The following ANKIB1 variants were observed in gnomAD, a reference collection of about 807,000 sequenced individuals.
The protein encoded by ANKIB1 is ankyrin repeat and IBR domain containing 1.
In ANKIB1, 43 loss-of-function variants were observed where a neutral mutation model predicts 122.1. The ratio of observed to expected loss-of-function variants is 0.35; its 90% confidence interval spans 0.28 to 0.45. The LOEUF (loss-of-function observed/expected upper bound fraction) is 0.45, where lower values mean the gene tolerates loss of function less well. Among genes scored for constraint, ANKIB1 ranks in the 20% least tolerant of loss-of-function variants. The pLI, the probability that ANKIB1 is intolerant of heterozygous loss-of-function variation, is 1.00. For missense variants in ANKIB1, 992 were observed against 1,329.5 expected, an observed-to-expected ratio of 0.75 and a Z score of 3.95; for synonymous variants, 390 against 442.0, an observed-to-expected ratio of 0.88 and a Z score of 1.48.
At chr7:92,359,958 T>G (rs189832907) in intron 9 of ANKIB1, among the ~76,000 whole-genome samples, 1 of 152,264 alleles carries the variant, frequency 6.6e-6, no homozygotes, top group East Asian at 1.9e-4. Flanking sequence ...AAGCTACCAC[T>G]AAGTTGCTAG....
Position 92,309,942 on chromosome 7 carries a change from A to AAAAAAAAAAATATATATATAT in ANKIB1, c.486+2287_486+2288insAAAAAAAAATATATATATATA, listed in dbSNP as rs1335765681. On this transcript the variant is annotated intron_variant, in intron 3 of 19. Transcript: ENST00000265742. The stretch of plus-strand genomic sequence containing the variant: ...TCCATCTAAAAAAAAAAAAAAAAAA[A>AAAAAAAAAAATATATATATAT]ATATATATATATATATATATAAATT... 6.5e-5 allele frequency among the ~76,000 whole-genome samples: 6 copies of AAAAAAAAAAATATATATATAT among 91,780 alleles called. No individual in the cohort carries two copies. The East Asian group carries it at 1.4e-3, about 21-fold the overall frequency. The allele number at this position is 91,780 out of a possible 152,430, so 60.2% of individuals were successfully genotyped here.
intron 10 of ANKIB1, 88 bp from the exon 11 acceptor site, chr7:92,371,389 T>C: frequency 1.7e-6 from 2 of 1,155,622 alleles, no homozygotes; most frequent in Non-Finnish European, 2.4e-6. Context: ...AGAGACAGCC[T>C]GCAAAGAAAA....
Position 92,327,894 on chromosome 7 carries a change from G to T in ANKIB1, c.781G>T (p.Ala261Ser). The T allele has an allele frequency of 6.4e-7, 1 of 1,574,366 alleles. No individual in the cohort carries two copies. Among genetic ancestry groups the T allele is most frequent in the Non-Finnish European group, 8.6e-7 (1 of 1,164,706 alleles). The change falls in exon 5 of 20, where the codon GCT (alanine) becomes TCT (serine). Residue 261 changes from alanine (A) to serine (S), a missense_variant. Coordinates refer to ENST00000265742, the MANE Select transcript of ANKIB1 (RefSeq NM_019004.2). ...PLFTAEALLR[A>S]HDWDREKLLE... ...CTTTACTGCTGAAGCTTTACTTCGA[G>T]CTCATGGTAATGAAAGAAATGTCTT... is the stretch of plus-strand genomic sequence containing the variant.
intron 7 of ANKIB1, among the ~76,000 whole-genome samples, chr7:92,346,181 G>A (rs1042137753): frequency 6.6e-6 from 1 of 151,748 alleles, no homozygotes; most frequent in African/African-American, 2.4e-5. Context: ...AGGCTGAAGT[G>A]CAGTGGTGTG....
chr7:92,386,471 A>T (rs754321935), intron 11 of ANKIB1, 38 bp from the exon 12 acceptor site: 8 of 1,544,152 alleles, frequency 5.2e-6, no homozygotes, highest in Non-Finnish European at 7.0e-6. Context: ...TTGCATATTA[A>T]TATGGGGAGA....
chr7:92,310,002 ATAAG>A (rs1802658895), intron 3 of ANKIB1, among the ~76,000 whole-genome samples: 1 of 147,790 alleles, frequency 6.8e-6, no homozygotes, highest in Non-Finnish European at 1.5e-5. Flanking sequence ...ACTTTTCTCT[ATAAG>A]CATTGCTTTA....
chr7:92,399,780 A>C lies in ANKIB1; in HGVS notation c.*831A>C, dbSNP rs978819055. On this transcript the variant is annotated 3_prime_UTR_variant, in exon 20 of 20. Transcript: ENST00000265742. ...GCTGCTGTTAAAAACAGTTTATTTT[A>C]ATATTAAAATACAGTTGATTAGCAA... is the stretch of plus-strand genomic sequence containing the variant. 6 of 152,352 alleles carry C rather than the reference A, an allele frequency of 3.9e-5. No homozygotes were observed. In the East Asian group the frequency reaches 7.7e-4, roughly 20 times the overall value. The allele number at this position is 152,352 out of a possible 1,614,324, so 9.4% of individuals were successfully genotyped here. A position where few individuals can be genotyped will look rare whatever the true frequency, so the allele number is the denominator to read the frequency against.
At chr7:92,249,683 G>C (rs1319801769) in intron 1 of ANKIB1, among the ~76,000 whole-genome samples, 1 of 151,716 alleles carries the variant, frequency 6.6e-6, no homozygotes, top group Non-Finnish European at 1.5e-5. Flanking sequence ...TCGCACCATT[G>C]CACTCCAGCC....
Position 92,307,587 on chromosome 7 carries a change from T to C in ANKIB1, c.417T>C (p.Asp139=), listed in dbSNP as rs755231385. ...DQGEYERAAI[D]AVDNKKNTPL... ...GTGAATATGAGAGAGCAGCTATTGA[T>C]GCTGTTGATAACAAAAAAAACACAC... Residue 139 remains aspartate, a synonymous_variant, in exon 3 of 20, where the codon GAT becomes GAC. Transcript: ENST00000265742. 65 of 1,613,414 alleles carry C rather than the reference T, an allele frequency of 4.0e-5. No individual in the cohort carries two copies. The South Asian group carries it at 6.7e-4, about 17-fold the overall frequency.
intron 5 of ANKIB1, among the ~76,000 whole-genome samples, chr7:92,335,526 G>C (rs1331159402): frequency 6.6e-6 from 1 of 151,796 alleles, no homozygotes; most frequent in Non-Finnish European, 1.5e-5. Flanking sequence ...CTCCTTAATG[G>C]TGTCAATTTG....
chr7:92,329,210 A>AC (rs1803101593), intron 5 of ANKIB1, among the ~76,000 whole-genome samples: 1 of 151,694 alleles, frequency 6.6e-6, no homozygotes, highest in East Asian at 1.9e-4. Context: ...TAGGTGATCC[A>AC]CCCCCTCGCC....
intron 1 of ANKIB1, among the ~76,000 whole-genome samples, chr7:92,265,391 A>G (rs1443867659): frequency 6.6e-6 from 1 of 152,202 alleles, no homozygotes; most frequent in Non-Finnish European, 1.5e-5. Context: ...CAGAAGCCCT[A>G]AGGGTTAAAA....
intron 7 of ANKIB1, among the ~76,000 whole-genome samples, chr7:92,347,551 T>C (rs2131980479): frequency 6.6e-6 from 1 of 152,238 alleles, no homozygotes. Flanking sequence ...AGTTCAAGAC[T>C]ACAGTGAGCT....
intron 5 of ANKIB1, among the ~76,000 whole-genome samples, chr7:92,328,124 T>C (rs553166299): frequency 6.6e-6 from 1 of 152,348 alleles, no homozygotes; most frequent in Admixed American, 6.5e-5. Context: ...TGGAAAATTC[T>C]TTTTAGAAAT....
At chr7:92,348,385 C>CTTT (rs563453600) in intron 7 of ANKIB1, among the ~76,000 whole-genome samples, 3 of 134,468 alleles carry the variant, frequency 2.2e-5, no homozygotes, top group Middle Eastern at 3.5e-3. Flanking sequence ...GTCTTTAAGA[C>CTTT]TTTTTTTTTT....
At chr7:92,269,958 C>G (rs1801751246) in intron 1 of ANKIB1, among the ~76,000 whole-genome samples, 1 of 151,850 alleles carries the variant, frequency 6.6e-6, no homozygotes. Context: ...CCCCCACCCC[C>G]CACCGACCCC....
chr7:92,385,836 A>G (rs983034178), intron 11 of ANKIB1, among the ~76,000 whole-genome samples: 2 of 152,170 alleles, frequency 1.3e-5, no homozygotes, highest in East Asian at 3.9e-4. Context: ...CATATGTGAC[A>G]AGCCTGCACC....
intron 1 of ANKIB1, among the ~76,000 whole-genome samples, chr7:92,271,572 C>T (rs924339737): frequency 3.7e-4 from 56 of 152,074 alleles, no homozygotes; most frequent in Admixed American, 3.3e-4. Context: ...TATGTTGAGC[C>T]GGAAAACTTT....
intron 12 of ANKIB1, 143 bp from the exon 13 acceptor site, chr7:92,387,654 AT>A: frequency 3.2e-6 from 2 of 627,918 alleles, no homozygotes; most frequent in Non-Finnish European, 5.5e-6. Flanking sequence ...AAAAACAAGT[AT>A]TGTTTTTCTG....
Sources: gnomAD v4.1 joint callset for allele counts (sites outside exome capture counted in the v4.1 genomes callset) on GRCh38, gnomAD v4.1.1 for gene constraint, MANE v1.5 for transcripts, NCBI Gene and HGNC (gene_info 2026-07-23, HGNC 2026-07-21) for gene names.